C10orf90: variants seen among roughly 807,000 people sequenced by gnomAD.
The protein encoded by C10orf90 is chromosome 10 open reading frame 90.
A neutral mutation model predicts 62.5 loss-of-function variants in C10orf90; 56 were observed. That is an observed-to-expected ratio of 0.90 (90% confidence interval 0.72 to 1.12). The LOEUF is 1.12. Ranked by LOEUF, C10orf90 falls within the 50% of genes most tolerant of loss-of-function variation. The pLI is 0.00. For synonymous variants in C10orf90, 386 were observed against 340.4 expected (o/e 1.13, Z -1.47); for missense variants, 970 against 880.4 (o/e 1.10, Z -1.29).
intron 7 of C10orf90, among the ~76,000 whole-genome samples, chr10:126,450,214 TA>T (rs1487356038): frequency 1.3e-5 from 2 of 151,326 alleles, no homozygotes; most frequent in Non-Finnish European, 3.0e-5. Flanking sequence ...AAAGTAAGAG[TA>T]AAAAGATATT....
At chr10:126,450,174 CTG>C (rs1454592478) in intron 7 of C10orf90, among the ~76,000 whole-genome samples, 5 of 151,956 alleles carry the variant, frequency 3.3e-5, no homozygotes, top group Non-Finnish European at 7.4e-5. Context: ...ATGAAAGAAA[CTG>C]AAGACATAAT....
intron 4 of C10orf90, among the ~76,000 whole-genome samples, chr10:126,473,969 A>G (rs1029764240): frequency 2.0e-5 from 3 of 152,194 alleles, no homozygotes; most frequent in Non-Finnish European, 4.4e-5. Flanking sequence ...TGAAGAAACA[A>G]AGAACAAAAG....
chr10:126,562,767 C>T (rs1343041800), intron 2 of C10orf90, among the ~76,000 whole-genome samples: 1 of 152,226 alleles, frequency 6.6e-6, no homozygotes, highest in African/African-American at 2.4e-5. Context: ...GGGAGCAGAG[C>T]CTGCCAGAGC....
intron 2 of C10orf90, among the ~76,000 whole-genome samples, chr10:126,534,307 T>A (rs1481662525): frequency 1.3e-5 from 2 of 152,242 alleles, no homozygotes; most frequent in African/African-American, 4.8e-5. Flanking sequence ...CTATGCTCTG[T>A]GTCCAAATGA....
intron 2 of C10orf90, among the ~76,000 whole-genome samples, chr10:126,560,459 G>A (rs1193811855): frequency 6.6e-6 from 1 of 152,154 alleles, no homozygotes; most frequent in Non-Finnish European, 1.5e-5. Flanking sequence ...GGGCAGTCCT[G>A]TCCCACCACC....
chr10:126,496,679 T>C lies in C10orf90; in HGVS notation c.1534+7278A>G, dbSNP rs143955503. 9 of 985,416 alleles carry C rather than the reference T, an allele frequency of 9.1e-6. No homozygotes were observed. In the Admixed American group the frequency reaches 5.5e-4, roughly 60 times the overall value. The allele number at this position is 985,416 out of a possible 1,614,324, so 61.0% of individuals were successfully genotyped here. A position where few individuals can be genotyped will look rare whatever the true frequency, so the allele number is the denominator to read the frequency against. ...CTACCTCTTGGCGGTGAGTCTTTCA[T>C]CGCTCCTCACCCTTTCCTTGCCAGA... On this transcript the variant is annotated intron_variant, in intron 4 of 9. Coordinates refer to ENST00000488181, the MANE Select transcript of C10orf90 (RefSeq NM_001350921.2).
In C10orf90 at chr10:126,560,184, C is replaced by G. The variant is rs146486836; in HGVS notation, c.314-46245G>C. On this transcript the variant is annotated intron_variant, in intron 2 of 9. Transcript: ENST00000488181. ...CCCCTTGGCCAGCAAGAATTACTTTCAGAAGGAAATAATCCCCGCAACCTC... is the reference window on the plus strand; with the variant it reads ...CCCCTTGGCCAGCAAGAATTACTTTGAGAAGGAAATAATCCCCGCAACCTC... Among the ~76,000 whole-genome samples the G allele has an allele frequency of 1.2e-3, 179 of 152,268 alleles. 1 individual carries two copies. The highest frequency in any genetic ancestry group is 4.1e-3 in the African/African-American group (172 of 41,546).
intron 1 of C10orf90, among the ~76,000 whole-genome samples, chr10:126,659,151 A>G (rs559684420): frequency 1.3e-5 from 2 of 152,304 alleles, no homozygotes; most frequent in South Asian, 4.1e-4. Flanking sequence ...TGCATATCCA[A>G]TAGCCAAGTC....
rs1007946101 is a variant in C10orf90, at chr10:126,650,207, G to A, written c.241-3570C>T. Among the ~76,000 whole-genome samples the A allele has an allele frequency of 6.6e-5, 10 of 152,120 alleles. No individual in the cohort carries two copies. The East Asian group carries it at 1.5e-3, about 23-fold the overall frequency. ...GAGCCTGATCAGCCTTTGCTATTTC[G>A]TGAGTGATCATTAAGTGACTCCTAA... On this transcript the variant is annotated intron_variant, in intron 1 of 9. Transcript: ENST00000488181.
intron 1 of C10orf90, among the ~76,000 whole-genome samples, chr10:126,665,662 G>C (rs1163455628): frequency 1.3e-5 from 2 of 152,164 alleles, no homozygotes; most frequent in African/African-American, 2.4e-5. Flanking sequence ...CCTGAGAGGA[G>C]GAAAACAAGA....
chr10:126,453,817 GATT>G lies in C10orf90; in HGVS notation c.2188+5220_2188+5222del, dbSNP rs1030969863. 1.3e-4 allele frequency among the ~76,000 whole-genome samples: 20 copies of G among 152,310 alleles called. No homozygotes were observed. Among genetic ancestry groups the G allele is most frequent in the African/African-American group, 4.3e-4 (18 of 41,568 alleles). On this transcript the variant is annotated intron_variant, in intron 7 of 9. Coordinates refer to ENST00000488181, the MANE Select transcript of C10orf90 (RefSeq NM_001350921.2). This position sits in a 1 kb window ranked among gnomAD's most constrained non-coding sequence, Gnocchi z 4.9. Reference sequence around the variant, plus strand: ...GAGAGGGGCTTGCAAGGTTAGGCAGGATTTTATAGCACAGAGAGGAGGAACAGA... The same window carrying G: ...GAGAGGGGCTTGCAAGGTTAGGCAGGTTATAGCACAGAGAGGAGGAACAGA...
At chr10:126,585,631 G>A (rs1392623228) in intron 2 of C10orf90, among the ~76,000 whole-genome samples, 2 of 152,134 alleles carry the variant, frequency 1.3e-5, no homozygotes, top group Non-Finnish European at 2.9e-5. Flanking sequence ...TGGGAAATGA[G>A]GAAGGGTAGG....
At chr10:126,433,731 C>T (rs933164930) in intron 7 of C10orf90, among the ~76,000 whole-genome samples, 14 of 151,838 alleles carry the variant, frequency 9.2e-5, no homozygotes, top group African/African-American at 2.4e-4. Flanking sequence ...CAAAACAAAA[C>T]GAAAACAAAA....
chr10:126,565,217 T>TTTATATTACATATTATGTAATATAAATA (rs1564874218), intron 2 of C10orf90, among the ~76,000 whole-genome samples: 1 of 17,374 alleles, frequency 5.8e-5, no homozygotes, highest in African/African-American at 1.4e-4. Context: ...GTAATATAAT[T>TTTATATTACATATTATGTAATATAAATA]TTTATATTAC....
chr10:126,621,589 A>G (rs1291367035), intron 2 of C10orf90, among the ~76,000 whole-genome samples: 2 of 152,224 alleles, frequency 1.3e-5, no homozygotes, highest in African/African-American at 2.4e-5. Flanking sequence ...TTGTGCATGG[A>G]AAGAATTAAT....
intron 2 of C10orf90, among the ~76,000 whole-genome samples, chr10:126,608,223 C>T (rs917917687): frequency 6.6e-6 from 1 of 152,208 alleles, no homozygotes; most frequent in Non-Finnish European, 1.5e-5. Context: ...ATCCTCCGAT[C>T]TCAGCCTCCC....
intron 2 of C10orf90, among the ~76,000 whole-genome samples, chr10:126,537,118 TCTC>T (rs1460637304): frequency 6.6e-6 from 1 of 152,100 alleles, no homozygotes; most frequent in East Asian, 1.9e-4. Context: ...AACTTCCCCT[TCTC>T]CTGCTAAGGC....
At chr10:126,552,035 A>G (rs1278819775) in intron 2 of C10orf90, among the ~76,000 whole-genome samples, 1 of 152,182 alleles carries the variant, frequency 6.6e-6, no homozygotes, top group Non-Finnish European at 1.5e-5. Context: ...GTTAGTACCT[A>G]GAAGAACTAG....
At chr10:126,502,911 A>C in intron 4 of C10orf90, 1 of 469,814 alleles carries the variant, frequency 2.1e-6, no homozygotes, top group Non-Finnish European at 4.2e-6. Context: ...CTGAGCATTC[A>C]ATATTTCAAT....
Sources: gnomAD v4.1 joint callset for allele counts (sites outside exome capture counted in the v4.1 genomes callset) on GRCh38, gnomAD v4.1.1 for gene constraint, Gnocchi (gnomAD v3.1) non-coding constraint, MANE v1.5 for transcripts, NCBI Gene and HGNC (gene_info 2026-07-23, HGNC 2026-07-21) for gene names.